The following NBEA variants were observed in gnomAD, a reference collection of about 807,000 sequenced individuals.
NBEA encodes the protein lysosomal-trafficking regulator 2.
A neutral mutation model predicts 343.4 loss-of-function variants in NBEA; 44 were observed. The ratio of observed to expected loss-of-function variants is 0.13; its 90% CI spans 0.10 to 0.16. NBEA has a LOEUF of 0.16. Among genes scored for constraint, NBEA ranks in the 10% least tolerant of loss-of-function variants. The pLI is 1.00. For missense variants in NBEA, 2,555 were observed against 3,631.3 expected, an observed-to-expected ratio of 0.70 and a Z score of 7.62; for synonymous variants, 1,175 against 1,238.7, an observed-to-expected ratio of 0.95 and a Z score of 1.08.
chr13:34,988,900 C>A (rs1014099800), intron 1 of NBEA, among the ~76,000 whole-genome samples: 2 of 150,894 alleles, frequency 1.3e-5, no homozygotes, highest in African/African-American at 4.8e-5. Flanking sequence ...TTGTGACATT[C>A]AGTCTTTTAA....
rs151088042 is a variant in NBEA, at chr13:35,126,780, T to C, written c.2336+3206T>C. On this transcript the variant is annotated intron_variant, in intron 17 of 58. Coordinates refer to ENST00000379939, the MANE Select transcript of NBEA (RefSeq NM_001385012.1). ...TAAAAATACAAAAATTAGCCGGGCA[T>C]GGTGGCAGGTGCCTGTCATCCCAGC... Among the ~76,000 whole-genome samples, 1,016 of 151,986 alleles carry C rather than the reference T, an allele frequency of 6.7e-3. 16 individuals carry two copies. The highest frequency in any genetic ancestry group is 0.023 in the African/African-American group (937 of 41,450).
chr13:35,426,734 A>G (rs1254309315), intron 38 of NBEA, among the ~76,000 whole-genome samples: 3 of 152,188 alleles, frequency 2.0e-5, no homozygotes, highest in Non-Finnish European at 2.9e-5. Flanking sequence ...AATATCCTGC[A>G]GAGTGTTTTC....
In NBEA at chr13:35,452,232, G is replaced by A; in HGVS notation, c.6445G>A (p.Ala2149Thr). Residue 2149 changes from alanine (A) to threonine (T), a missense_variant, in exon 40 of 59, where the codon GCA becomes ACA. Physicochemically the swap from Ala to Thr is moderately conservative, Grantham distance 58 (BLOSUM62 0). This residue lies in a region of NBEA where 246 missense variants were observed against 313.7 expected (regional missense o/e 0.78). Coordinates refer to ENST00000379939, the MANE Select transcript of NBEA (RefSeq NM_001385012.1). ...ACAGGAGAAAGAAATTGACAACCTT[G>A]CAGGTAAATTTTAAAATATATTTTT... ...LLQEKEIDNLAGPVVLSTPAQ... is the reference protein window; with the variant it reads ...LLQEKEIDNLTGPVVLSTPAQ... 6.4e-7 allele frequency: 1 copy of A among 1,557,956 alleles called. No homozygotes were observed. The highest frequency in any genetic ancestry group is 1.2e-5 in the South Asian group (1 of 83,638).
At position 35,159,457 on chromosome 13, in the gene NBEA, T is replaced by C. The variant is rs141104756; in HGVS notation, c.3286T>C (p.Leu1096=). The C allele has an allele frequency of 2.9e-5, 46 of 1,613,352 alleles. No individual in the cohort carries two copies. The East Asian group carries it at 5.4e-4, about 19-fold the overall frequency. ...NGALVEVESL[L]DNVYSAAVEK... ...TGCCCTTGTGGAGGTTGAATCTCTG[T>C]TGGATAATGTATATAGTGCTGCTGT... is the stretch of plus-strand genomic sequence containing the variant. The change falls in exon 22 of 59, where the codon TTG becomes CTG. Residue 1096 remains leucine (L), a synonymous_variant. Coordinates refer to ENST00000379939, the MANE Select transcript of NBEA (RefSeq NM_001385012.1).
At chr13:35,454,919 C>T (rs1052003968) in intron 40 of NBEA, among the ~76,000 whole-genome samples, 2 of 151,596 alleles carry the variant, frequency 1.3e-5, no homozygotes, top group Non-Finnish European at 2.9e-5. Flanking sequence ...ATCCTAAAAT[C>T]GGTGTACAAT....
rs1593406602 is a variant in NBEA at position 35,627,239 on chromosome 13, T to G, written c.7450-842T>G. 3.3e-5 allele frequency among the ~76,000 whole-genome samples: 5 copies of G among 152,302 alleles called. No individual in the cohort carries two copies. The South Asian group carries it at 1.0e-3, about 32-fold the overall frequency. The stretch of plus-strand genomic sequence containing the variant: ...AATAGCTGAAATTTACAAAGCTAGA[T>G]GTACAGCTCTTTTCCATGTTGTTGA... On this transcript the variant is annotated intron_variant, in intron 48 of 58. Transcript: ENST00000379939.
intron 12 of NBEA, among the ~76,000 whole-genome samples, chr13:35,110,013 A>G (rs2066108223): frequency 6.7e-6 from 1 of 148,754 alleles, no homozygotes; most frequent in African/African-American, 2.5e-5. Context: ...GCCTAAGCCC[A>G]AATCTGAATT....
At position 35,159,110 on chromosome 13, in the gene NBEA, AT is replaced by A; in HGVS notation, c.2940del (p.Asn980LysfsTer2). 1 of 1,613,608 alleles carries A rather than the reference AT, an allele frequency of 6.2e-7. No homozygotes were observed. The highest frequency in any genetic ancestry group is 2.2e-5 in the East Asian group (1 of 44,842). ...AACATTAAAAAGGGAAAGAAAGGGA[AT>A]GTGAGCACCATCTCTGGTCTTTCAT... ...EENIKKGKKG[N>X]VSTISGLSSQ... On this transcript the variant is annotated frameshift_variant, in exon 22 of 59. Transcript: ENST00000379939. LOFTEE classifies it high-confidence loss of function.
intron 41 of NBEA, among the ~76,000 whole-genome samples, chr13:35,502,450 G>A (rs1238914314): frequency 6.6e-6 from 1 of 151,694 alleles, no homozygotes; most frequent in Non-Finnish European, 1.5e-5. Context: ...ACAGGAATGA[G>A]CAAGTGACTT....
chr13:34,992,595 A>G (rs1224476114), intron 1 of NBEA, among the ~76,000 whole-genome samples: 2 of 152,036 alleles, frequency 1.3e-5, no homozygotes, highest in Non-Finnish European at 2.9e-5. Context: ...TTGACTTGGT[A>G]ACGAGGTATT....
At chr13:35,546,224 G>A (rs1368724130) in intron 41 of NBEA, among the ~76,000 whole-genome samples, 25 of 152,294 alleles carry the variant, frequency 1.6e-4, no homozygotes, top group African/African-American at 6.0e-4. Context: ...ACAGTGATAA[G>A]ATAGGCTGTG....
chr13:35,333,370 G>A (rs1173529892), intron 36 of NBEA, among the ~76,000 whole-genome samples: 2 of 152,080 alleles, frequency 1.3e-5, no homozygotes, highest in African/African-American at 4.8e-5. Flanking sequence ...AGACAAAGAT[G>A]GAGGTAATTA....
At chr13:35,435,429 G>A (rs9635009) in intron 39 of NBEA, among the ~76,000 whole-genome samples, 34,281 of 152,020 alleles carry the variant, frequency 0.23, 4,044 homozygotes, top group East Asian at 0.37. Flanking sequence ...ATGGTACTTA[G>A]ACAGGAATGT....
At chr13:35,590,131 G>A (rs1667257722) in intron 46 of NBEA, among the ~76,000 whole-genome samples, 1 of 152,036 alleles carries the variant, frequency 6.6e-6, no homozygotes, top group South Asian at 2.1e-4. Context: ...GGTTAATATA[G>A]CACCTAATCC....
At chr13:35,077,462 A>G (rs977990063) in intron 10 of NBEA, among the ~76,000 whole-genome samples, 11 of 152,138 alleles carry the variant, frequency 7.2e-5, no homozygotes, top group African/African-American at 2.7e-4. Context: ...CTCATCAGTT[A>G]CTTTCCTCCC....
At chr13:35,282,906 A>G (rs940397391) in intron 34 of NBEA, among the ~76,000 whole-genome samples, 5 of 152,118 alleles carry the variant, frequency 3.3e-5, no homozygotes, top group African/African-American at 1.2e-4. Context: ...ATCCTTATAG[A>G]TAGTGCAAGG....
chr13:35,437,401 A>G (rs1269208037), intron 39 of NBEA, among the ~76,000 whole-genome samples: 1 of 152,168 alleles, frequency 6.6e-6, no homozygotes, highest in Admixed American at 6.5e-5. Flanking sequence ...CATTATTAAA[A>G]CTTGGTTGAC....
intron 10 of NBEA, among the ~76,000 whole-genome samples, chr13:35,094,646 A>G (rs1206424572): frequency 3.9e-5 from 6 of 151,962 alleles, no homozygotes; most frequent in Admixed American, 3.9e-4. Context: ...TGATTAACGT[A>G]CAGTGAAATC....
intron 36 of NBEA, among the ~76,000 whole-genome samples, chr13:35,322,114 C>T (rs1594210553): frequency 2.0e-5 from 3 of 152,218 alleles, no homozygotes; most frequent in East Asian, 3.9e-4. Flanking sequence ...ACGGTTCTGT[C>T]TCGCTGGCAT....
Sources: allele counts gnomAD v4.1 joint callset (sites outside exome capture counted in the v4.1 genomes callset), GRCh38; gene constraint gnomAD v4.1.1; regional missense constraint gnomAD v4.1.1; transcripts MANE v1.5; gene names NCBI Gene and HGNC (gene_info 2026-07-23, HGNC 2026-07-21).